MAMDC2: variants seen among roughly 807,000 people sequenced by gnomAD.
MAMDC2 encodes MAM domain containing 2.
MAMDC2 carries 57 observed loss-of-function variants against 89.8 expected under a neutral mutation model. The observed-to-expected ratio is 0.63, with a 90% CI of 0.51 to 0.79. The LOEUF (loss-of-function observed/expected upper bound fraction) is 0.79. MAMDC2 is among the 30% of genes least tolerant of loss of function. MAMDC2 has a pLI of 0.00. For synonymous variants in MAMDC2, 313 were observed against 293.4 expected (o/e 1.07, Z -0.68); for missense variants, 800 against 820.6 (o/e 0.97, Z 0.31).
chr9:70,137,343 T>C (rs1196740928), intron 7 of MAMDC2, among the ~76,000 whole-genome samples: 1 of 152,214 alleles, frequency 6.6e-6, no homozygotes, highest in Admixed American at 6.5e-5. Flanking sequence ...TTAAATATTT[T>C]AGTGTGTATT....
At chr9:70,169,067 TC>T (rs1347177862) in intron 10 of MAMDC2, among the ~76,000 whole-genome samples, 1 of 152,224 alleles carries the variant, frequency 6.6e-6, no homozygotes, top group East Asian at 1.9e-4. Context: ...ACATACATTT[TC>T]CACAAAACAG....
chr9:70,144,086 A>G (rs1280551607), intron 9 of MAMDC2, among the ~76,000 whole-genome samples: 1 of 152,242 alleles, frequency 6.6e-6, no homozygotes, highest in Admixed American at 6.5e-5. Context: ...CTGAGAGTAC[A>G]TGAATTGTCC....
chr9:70,141,734 G>A (rs1032041128), intron 8 of MAMDC2, among the ~76,000 whole-genome samples: 8 of 152,146 alleles, frequency 5.3e-5, no homozygotes, highest in African/African-American at 1.2e-4. Context: ...ATAAAATTGC[G>A]GAGAAGTAGC....
chr9:70,113,215 G>A, intron 5 of MAMDC2, 83 bp downstream of exon 5: 1 of 1,501,170 alleles, frequency 6.7e-7, no homozygotes, highest in Non-Finnish European at 9.1e-7. Flanking sequence ...ACCTAGCTGT[G>A]GCTTCTGTCA....
intron 10 of MAMDC2, 159 bp from the exon 11 acceptor site, chr9:70,170,320 T>G: frequency 3.2e-6 from 2 of 617,244 alleles, no homozygotes; most frequent in Non-Finnish European, 5.2e-6. Context: ...AGCCTCTAGC[T>G]GGAAGCAGTG....
intron 5 of MAMDC2, among the ~76,000 whole-genome samples, chr9:70,117,496 T>C (rs2030060123): frequency 1.3e-5 from 2 of 152,030 alleles, no homozygotes; most frequent in African/African-American, 4.8e-5. Flanking sequence ...TTAGAAGAAA[T>C]ACCTAATGTA....
chr9:70,170,506 G>A lies in MAMDC2; in HGVS notation c.1526G>A (p.Cys509Tyr). 6 of 1,612,064 alleles carry A rather than the reference G, an allele frequency of 3.7e-6. No homozygotes were observed. Among genetic ancestry groups the A allele is most frequent in the Non-Finnish European group, 5.1e-6 (6 of 1,179,534 alleles). Residue 509 changes from cysteine (C) to tyrosine (Y), a missense_variant, in exon 11 of 14, where the codon TGT becomes TAT. Transcript: ENST00000377182. Reference protein sequence around the residue: ...SEKLPPPPGECTFEQDECTFT... With the variant: ...SEKLPPPPGEYTFEQDECTFT... ...AAACTTCCACCTCCACCTGGAGAGT[G>A]TACTTTCGAGCAAGATGAATGTACA...
chr9:70,141,194 C>A (rs1185580904), intron 8 of MAMDC2, among the ~76,000 whole-genome samples: 1 of 152,150 alleles, frequency 6.6e-6, no homozygotes, highest in Admixed American at 6.6e-5. Context: ...GTTGCCTAAC[C>A]TGTAGAAATA....
intron 2 of MAMDC2, 140 bp from the exon 3 acceptor site, chr9:70,108,071 A>G: frequency 1.3e-6 from 1 of 745,976 alleles, no homozygotes. Context: ...CCAGTGATCC[A>G]GTGTTCAGGC....
intron 5 of MAMDC2, 79 bp downstream of exon 5, chr9:70,113,211 C>T (rs889725082): frequency 5.3e-6 from 8 of 1,502,868 alleles, no homozygotes; most frequent in Non-Finnish European, 7.2e-6. Flanking sequence ...ACTGACCTAG[C>T]TGTGGCTTCT....
chr9:70,191,682 T>G (rs893418240), intron 11 of MAMDC2, among the ~76,000 whole-genome samples: 3 of 152,120 alleles, frequency 2.0e-5, no homozygotes, highest in Non-Finnish European at 4.4e-5. Context: ...GGTAGTGTTG[T>G]AGTTCTGTTT....
chr9:70,133,634 TTCCAAGCTA>T (rs1456143330), intron 7 of MAMDC2, among the ~76,000 whole-genome samples: 1 of 152,206 alleles, frequency 6.6e-6, no homozygotes, highest in East Asian at 1.9e-4. Flanking sequence ...ATTCTGCCAC[TTCCAAGCTA>T]TCTGGCATGG....
intron 2 of MAMDC2, among the ~76,000 whole-genome samples, chr9:70,098,046 A>G (rs745769630): frequency 6.6e-6 from 1 of 152,214 alleles, no homozygotes; most frequent in Non-Finnish European, 1.5e-5. Context: ...TTTATGTTAC[A>G]TGATATGAAG....
chr9:70,209,997 G>A (rs532245365), intron 11 of MAMDC2, among the ~76,000 whole-genome samples: 18 of 152,176 alleles, frequency 1.2e-4, no homozygotes, highest in African/African-American at 3.6e-4. Flanking sequence ...GTGGTCTGAG[G>A]GACAGTTTGT....
intron 9 of MAMDC2, among the ~76,000 whole-genome samples, chr9:70,147,826 T>C (rs1385651518): frequency 1.3e-5 from 2 of 150,572 alleles, no homozygotes; most frequent in African/African-American, 2.5e-5. Context: ...AGAACATTTC[T>C]CACCTTACTG....
chr9:70,131,223 C>T lies in MAMDC2; in HGVS notation c.901-296C>T, dbSNP rs548725906. ...ATCCCATTCCAAAACCTAATCACCT[C>T]CCAAAAAGCCCCACCTTCTATTACC... On this transcript the variant is annotated intron_variant, in intron 6 of 13. Transcript: ENST00000377182. 4.6e-5 allele frequency among the ~76,000 whole-genome samples: 7 copies of T among 152,240 alleles called. No individual in the cohort carries two copies. In the South Asian group the frequency reaches 1.5e-3, roughly 32 times the overall value.
At chr9:70,214,192 A>T (rs2033405316) in intron 11 of MAMDC2, among the ~76,000 whole-genome samples, 1 of 152,244 alleles carries the variant, frequency 6.6e-6, no homozygotes, top group Non-Finnish European at 1.5e-5. Context: ...TGGAAAACAT[A>T]AATTAGGGTA....
At chr9:70,145,371 A>C (rs763084323) in intron 9 of MAMDC2, among the ~76,000 whole-genome samples, 3 of 152,198 alleles carry the variant, frequency 2.0e-5, no homozygotes, top group Non-Finnish European at 4.4e-5. Context: ...TTTTTGAACA[A>C]GCCTTTCTTC....
chr9:70,135,977 CCT>C (rs1215679530), intron 7 of MAMDC2, among the ~76,000 whole-genome samples: 1 of 151,946 alleles, frequency 6.6e-6, no homozygotes, highest in Non-Finnish European at 1.5e-5. Flanking sequence ...ATGGTGAAAC[CCT>C]GTCTCTACAA....
Sources: gnomAD v4.1 joint callset for allele counts (sites outside exome capture counted in the v4.1 genomes callset) on GRCh38, gnomAD v4.1.1 for gene constraint, MANE v1.5 for transcripts, NCBI Gene and HGNC (gene_info 2026-07-23, HGNC 2026-07-21) for gene names.